Variants in ETV6 observed in about 807,000 individuals in gnomAD.
The protein encoded by ETV6 is transcription factor ETV6.
A neutral mutation model predicts 51.1 loss-of-function variants in ETV6; 16 were observed. The ratio of observed to expected loss-of-function variants is 0.31; its 90% CI spans 0.21 to 0.48. The LOEUF (loss-of-function observed/expected upper bound fraction) is 0.48. Among genes scored for constraint, ETV6 ranks in the 20% least tolerant of loss-of-function variants. The pLI is 0.99. For missense variants in ETV6, 458 were observed against 594.8 expected (o/e 0.77, Z 2.39); for synonymous variants, 240 against 224.1 (o/e 1.07, Z -0.64).
chr12:11,736,805 A>G (rs1377087608), intron 1 of ETV6, among the ~76,000 whole-genome samples: 1 of 152,248 alleles, frequency 6.6e-6, no homozygotes, highest in African/African-American at 2.4e-5. Flanking sequence ...AAACTTCATC[A>G]GTAAGTCAGT....
At chr12:11,660,631 A>G (rs986477871) in intron 1 of ETV6, among the ~76,000 whole-genome samples, 2 of 149,508 alleles carry the variant, frequency 1.3e-5, no homozygotes, top group Non-Finnish European at 3.0e-5. Flanking sequence ...GATGGGGGAC[A>G]TGGTGGGAAT....
chr12:11,686,549 A>G (rs1290884853), intron 1 of ETV6, among the ~76,000 whole-genome samples: 1 of 151,898 alleles, frequency 6.6e-6, no homozygotes, highest in African/African-American at 2.4e-5. Flanking sequence ...TTTTTTTGAG[A>G]TGCAGTCTCG....
chr12:11,801,564 A>C (rs1016932938), intron 2 of ETV6, among the ~76,000 whole-genome samples: 4 of 152,222 alleles, frequency 2.6e-5, no homozygotes, highest in African/African-American at 9.6e-5. Context: ...TCACGCAGGC[A>C]TTTGCTATAG....
chr12:11,769,766 C>A lies in ETV6; in HGVS notation c.163+17187C>A, dbSNP rs569408896. Among the ~76,000 whole-genome samples the A allele has an allele frequency of 4.6e-5, 7 of 152,274 alleles. No homozygotes were observed. The East Asian group carries it at 1.4e-3, about 29-fold the overall frequency. Reference sequence around the variant, plus strand: ...CCTTCACTCCTCTGGTGAGGAAGTGCGGGAAGGTGGAAGACATTGAGGGGT... The same window carrying A: ...CCTTCACTCCTCTGGTGAGGAAGTGAGGGAAGGTGGAAGACATTGAGGGGT... On this transcript the variant is annotated intron_variant, in intron 2 of 7. Coordinates refer to ENST00000396373, the MANE Select transcript of ETV6 (RefSeq NM_001987.5).
intron 1 of ETV6, among the ~76,000 whole-genome samples, chr12:11,673,252 G>C (rs1864353894): frequency 6.6e-6 from 1 of 152,158 alleles, no homozygotes; most frequent in African/African-American, 2.4e-5. Flanking sequence ...ATGAGGAGGG[G>C]ATTTGGCGGG....
intron 2 of ETV6, among the ~76,000 whole-genome samples, chr12:11,819,238 C>T (rs1332699479): frequency 6.6e-6 from 1 of 152,170 alleles, no homozygotes; most frequent in African/African-American, 2.4e-5. Context: ...GCCCCTCTGC[C>T]CTGGCTGCAG....
Position 11,743,901 on chromosome 12 carries a change from TGAG to T in ETV6, c.34-8541_34-8539del, listed in dbSNP as rs200862804. Reference sequence around the variant, plus strand: ...CTGTGGCACAAAGAAGAAAGCTACTTGAGGAGGAGGCGAAGGGTTTACGAAGAG... The same window carrying T: ...CTGTGGCACAAAGAAGAAAGCTACTTGAGGAGGCGAAGGGTTTACGAAGAG... On this transcript the variant is annotated intron_variant, in intron 1 of 7. Coordinates refer to ENST00000396373, the MANE Select transcript of ETV6 (RefSeq NM_001987.5). 7.2e-3 allele frequency among the ~76,000 whole-genome samples: 1,089 copies of T among 152,138 alleles called. 12 individuals are homozygous for T. Among genetic ancestry groups the T allele is most frequent in the African/African-American group, 0.025 (1,031 of 41,502 alleles).
At chr12:11,796,103 T>C (rs919630241) in intron 2 of ETV6, among the ~76,000 whole-genome samples, 1 of 152,188 alleles carries the variant, frequency 6.6e-6, no homozygotes, top group Non-Finnish European at 1.5e-5. Context: ...TGCCTCTGAA[T>C]GAAGCATTCA....
In ETV6 at chr12:11,874,058, A is replaced by C. The variant is rs78603002; in HGVS notation, c.1009+4089A>C. Among the ~76,000 whole-genome samples, 420 of 111,278 alleles carry C rather than the reference A, an allele frequency of 3.8e-3. 141 individuals carry two copies. The highest frequency in any genetic ancestry group is 0.013 in the African/African-American group (387 of 28,746). 73.0% of individuals were successfully genotyped at this position (111,278 alleles called of 152,430 possible). A position where few individuals can be genotyped will look rare whatever the true frequency, so the allele number is the denominator to read the frequency against. The stretch of plus-strand genomic sequence containing the variant: ...TAGAAATGTAAATCTACAAGTTGAG[A>C]TCTATTGAGGTCATTTAAAAATCTA... On this transcript the variant is annotated intron_variant, in intron 5 of 7. Transcript: ENST00000396373.
intron 1 of ETV6, among the ~76,000 whole-genome samples, chr12:11,650,496 C>CAAAAA (rs1252618617): frequency 1.8e-5 from 2 of 111,428 alleles, no homozygotes; most frequent in African/African-American, 8.0e-5. Flanking sequence ...AAAAAAAAAA[C>CAAAAA]AAAAAACAAA....
intron 1 of ETV6, among the ~76,000 whole-genome samples, chr12:11,668,474 C>T (rs999409684): frequency 2.0e-5 from 3 of 151,476 alleles, no homozygotes; most frequent in Admixed American, 6.6e-5. Flanking sequence ...TTATTTCTAT[C>T]GAAAAGAGTA....
intron 2 of ETV6, among the ~76,000 whole-genome samples, chr12:11,808,914 A>G (rs1468646254): frequency 2.6e-5 from 4 of 152,242 alleles, no homozygotes; most frequent in Non-Finnish European, 5.9e-5. Flanking sequence ...CTGTAATCCC[A>G]GCACTTTGGG....
At chr12:11,731,177 A>C (rs1865589001) in intron 1 of ETV6, among the ~76,000 whole-genome samples, 1 of 152,230 alleles carries the variant, frequency 6.6e-6, no homozygotes, top group Non-Finnish European at 1.5e-5. Flanking sequence ...AAGTCTAGAA[A>C]GGCAGGTTTT....
At chr12:11,741,179 G>T (rs540668091) in intron 1 of ETV6, among the ~76,000 whole-genome samples, 1 of 152,126 alleles carries the variant, frequency 6.6e-6, no homozygotes, top group Non-Finnish European at 1.5e-5. Flanking sequence ...CCGAACCATG[G>T]TAAGTAGCAA....
chr12:11,894,781 A>C lies in ETV6; in HGVS notation c.*3735A>C, dbSNP rs569445032. 6.0e-5 allele frequency: 14 copies of C among 233,440 alleles called. No individual in the cohort carries two copies. Among genetic ancestry groups the C allele is most frequent in the African/African-American group, 2.6e-4 (12 of 45,474 alleles). The allele number at this position is 233,440 out of a possible 1,614,324, so 14.5% of individuals were successfully genotyped here. A position where few individuals can be genotyped will look rare whatever the true frequency, so the allele number is the denominator to read the frequency against. On this transcript the variant is annotated 3_prime_UTR_variant, in exon 8 of 8. Transcript: ENST00000396373. Reference sequence around the variant, plus strand: ...GGGAGGTGAAGTGACTTGCCCTAGGAGCAGACAGCATGCCAAGAATGGAAT... The same window carrying C: ...GGGAGGTGAAGTGACTTGCCCTAGGCGCAGACAGCATGCCAAGAATGGAAT...
At chr12:11,783,550 T>A (rs540239794) in intron 2 of ETV6, among the ~76,000 whole-genome samples, 35 of 152,222 alleles carry the variant, frequency 2.3e-4, no homozygotes, top group Non-Finnish European at 4.3e-4. Context: ...GCTTTTGTTT[T>A]GTTTATTTAA....
intron 3 of ETV6, 64 bp from the exon 4 acceptor site, chr12:11,853,363 C>T: frequency 6.2e-7 from 1 of 1,600,802 alleles, no homozygotes; most frequent in Non-Finnish European, 8.5e-7. Context: ...AGCTGCTGCT[C>T]CGTAGATCGT....
chr12:11,675,246 C>G (rs1300654437), intron 1 of ETV6, among the ~76,000 whole-genome samples: 2 of 152,150 alleles, frequency 1.3e-5, no homozygotes, highest in Non-Finnish European at 1.5e-5. Flanking sequence ...AGAAAACATT[C>G]TTTGAAGACC....
chr12:11,693,635 G>A (rs1864814615), intron 1 of ETV6, among the ~76,000 whole-genome samples: 1 of 152,198 alleles, frequency 6.6e-6, no homozygotes, highest in Non-Finnish European at 1.5e-5. Context: ...TCCAGGGTCT[G>A]GACCAAGATA....
Sources: gnomAD v4.1 joint callset for allele counts (sites outside exome capture counted in the v4.1 genomes callset) on GRCh38, gnomAD v4.1.1 for gene constraint, MANE v1.5 for transcripts, NCBI Gene and HGNC (gene_info 2026-07-23, HGNC 2026-07-21) for gene names.